Variants in STPG2 observed in about 807,000 individuals in gnomAD.
STPG2 encodes the protein sperm-tail PG-rich repeat-containing protein 2.
Under a neutral mutation model 54.2 loss-of-function variants are expected in STPG2, and 56 were observed. The observed-to-expected ratio is 1.03, with a 90% CI of 0.83 to 1.29. The LOEUF (loss-of-function observed/expected upper bound fraction) is 1.29. STPG2 is among the 50% of genes most tolerant of loss of function. The pLI, the probability that STPG2 is intolerant of heterozygous loss-of-function variation, is 0.00. For synonymous variants in STPG2, 200 were observed against 181.8 expected (o/e 1.10, Z -0.81); for missense variants, 596 against 544.9 (o/e 1.09, Z -0.93).
intron 3 of STPG2, 100 bp from the exon 4 acceptor site, chr4:98,109,405 T>C: frequency 1.2e-6 from 1 of 835,948 alleles, no homozygotes; most frequent in South Asian, 1.9e-5. Flanking sequence ...AAAGCAAGGA[T>C]AGCCTCAGTA....
At position 97,558,947 on chromosome 4, in the gene STPG2, T is replaced by A. The variant is rs1328783375; in HGVS notation, c.*111A>T. 14 of 888,274 alleles carry A rather than the reference T, an allele frequency of 1.6e-5. No homozygotes were observed. The highest frequency in any genetic ancestry group is 2.5e-5 in the Non-Finnish European group (14 of 554,090). 55.0% of individuals were successfully genotyped at this position (888,274 alleles called of 1,614,324 possible). On this transcript the variant is annotated 3_prime_UTR_variant, in exon 11 of 11. Transcript: ENST00000295268. The stretch of plus-strand genomic sequence containing the variant: ...AAGCCTGAGCGAATGCCTGAACAAG[T>A]GAAAATTATGCTTTTATTACTCCTA...
At chr4:97,853,768 C>G (rs536886131) in intron 8 of STPG2, among the ~76,000 whole-genome samples, 2 of 152,082 alleles carry the variant, frequency 1.3e-5, no homozygotes. Flanking sequence ...CAAAATGCTA[C>G]GGAAGTGATA....
At position 97,957,051 on chromosome 4, in the gene STPG2, A is replaced by G. The variant is rs143681223; in HGVS notation, c.934-13044T>C. Among the ~76,000 whole-genome samples, 7 of 146,622 alleles carry G rather than the reference A, an allele frequency of 4.8e-5. No homozygotes were observed. In the East Asian group the frequency reaches 1.4e-3, roughly 29 times the overall value. On this transcript the variant is annotated intron_variant, in intron 7 of 10. Transcript: ENST00000295268. Reference sequence around the variant, plus strand: ...TCAAAAAGGCGTCAGAGAAAGTCAGAGCCCAATTTAAGGAAATAAATATAT... The same window carrying G: ...TCAAAAAGGCGTCAGAGAAAGTCAGGGCCCAATTTAAGGAAATAAATATAT...
intron 9 of STPG2, among the ~76,000 whole-genome samples, chr4:97,772,698 ATTC>A (rs1726256292): frequency 6.6e-6 from 1 of 152,172 alleles, no homozygotes; most frequent in African/African-American, 2.4e-5. Context: ...CTATCTGGTA[ATTC>A]TTCTCAAAAT....
chr4:97,557,116 G>C (rs778701324), downstream of STPG2, among the ~76,000 whole-genome samples: 1 of 152,130 alleles, frequency 6.6e-6, no homozygotes, highest in Admixed American at 6.6e-5. Context: ...GGGAGGCGGA[G>C]GTTGCAGTGA....
At chr4:97,943,742 G>A (rs1255690370) in intron 8 of STPG2, among the ~76,000 whole-genome samples, 155 bp downstream of exon 8, 2 of 152,106 alleles carry the variant, frequency 1.3e-5, no homozygotes, top group Non-Finnish European at 2.9e-5. Flanking sequence ...GAAGAATTTT[G>A]TTGAACTTTA....
intron 8 of STPG2, among the ~76,000 whole-genome samples, chr4:97,898,034 TG>T (rs1053839182): frequency 1.3e-5 from 2 of 152,136 alleles, no homozygotes; most frequent in African/African-American, 4.8e-5. Flanking sequence ...TTTATAGTCT[TG>T]GGTTTTACAT....
Position 98,047,439 on chromosome 4 carries a change from G to A in STPG2, c.612+58514C>T, listed in dbSNP as rs1037341915. Reference sequence around the variant, plus strand: ...CCACAGGCAGCAGCTTGGAAATTGTGCAGGCAAATCCCTTCCAGGGAGAAA... The same window carrying A: ...CCACAGGCAGCAGCTTGGAAATTGTACAGGCAAATCCCTTCCAGGGAGAAA... On this transcript the variant is annotated intron_variant, in intron 5 of 10. Coordinates refer to ENST00000295268, the MANE Select transcript of STPG2 (RefSeq NM_174952.3). Among the ~76,000 whole-genome samples the A allele has an allele frequency of 1.4e-4, 22 of 152,150 alleles. 1 individual carries two copies. The highest frequency in any genetic ancestry group is 1.5e-5 in the Non-Finnish European group (1 of 68,018).
At chr4:98,017,776 A>C (rs1578784230) in intron 5 of STPG2, among the ~76,000 whole-genome samples, 1 of 152,132 alleles carries the variant, frequency 6.6e-6, no homozygotes, top group East Asian at 1.9e-4. Context: ...AGGAGACTGG[A>C]TCATGGTGGT....
chr4:98,096,196 A>G (rs1478764087), intron 5 of STPG2, among the ~76,000 whole-genome samples: 1 of 152,110 alleles, frequency 6.6e-6, no homozygotes, highest in Non-Finnish European at 1.5e-5. Context: ...GAAGTTTAAG[A>G]CCAGCCTGGG....
intron 9 of STPG2, among the ~76,000 whole-genome samples, chr4:97,776,940 G>A (rs747799801): frequency 1.6e-4 from 24 of 152,046 alleles, no homozygotes; most frequent in African/African-American, 4.6e-4. Flanking sequence ...GTTTCCTTCC[G>A]TTTACTAATT....
chr4:97,669,743 C>G lies in STPG2; in HGVS notation c.1320+42956G>C, dbSNP rs576085119. On this transcript the variant is annotated intron_variant, in intron 10 of 10. Transcript: ENST00000295268. ...CCCGGGAAGCGGAGCTTGCAGTGAG[C>G]CGAGATTGCGCCACTGCAGTCCGCA... Among the ~76,000 whole-genome samples the G allele has an allele frequency of 5.6e-3, 159 of 28,364 alleles. 48 individuals carry two copies. In the Middle Eastern group the frequency reaches 0.12, roughly 22 times the overall value. 18.6% of individuals were successfully genotyped at this position (28,364 alleles called of 152,430 possible).
chr4:97,783,929 G>A (rs1726737801), intron 9 of STPG2, among the ~76,000 whole-genome samples: 1 of 152,060 alleles, frequency 6.6e-6, no homozygotes, highest in East Asian at 1.9e-4. Context: ...GGGGTGGGGG[G>A]AGAGGGGAGG....
At chr4:97,908,018 G>A (rs879988989) in intron 8 of STPG2, among the ~76,000 whole-genome samples, 2 of 152,156 alleles carry the variant, frequency 1.3e-5, no homozygotes, top group Non-Finnish European at 2.9e-5. Flanking sequence ...ATTGACAAAT[G>A]GGATCTTATT....
chr4:98,027,500 T>G (rs1048537866), intron 5 of STPG2, among the ~76,000 whole-genome samples: 1 of 152,204 alleles, frequency 6.6e-6, no homozygotes, highest in Admixed American at 6.5e-5. Flanking sequence ...GATGAAATTC[T>G]GGATATGATC....
chr4:98,047,586 G>T (rs114657988), intron 5 of STPG2, among the ~76,000 whole-genome samples: 1 of 152,108 alleles, frequency 6.6e-6, no homozygotes, highest in South Asian at 2.1e-4. Context: ...AGACTCACAA[G>T]TGTAGAGGCC....
At chr4:97,671,671 A>G (rs1172355150) in intron 10 of STPG2, among the ~76,000 whole-genome samples, 4 of 152,170 alleles carry the variant, frequency 2.6e-5, no homozygotes, top group Non-Finnish European at 5.9e-5. Context: ...TGGCCTCTGG[A>G]GGAGTTGGGC....
At chr4:98,001,737 T>G (rs1735421171) in intron 5 of STPG2, among the ~76,000 whole-genome samples, 1 of 152,176 alleles carries the variant, frequency 6.6e-6, no homozygotes, top group South Asian at 2.1e-4. Context: ...GAGCAGCATT[T>G]AATCAGCCCC....
intron 8 of STPG2, among the ~76,000 whole-genome samples, chr4:97,869,353 C>G (rs1729901139): frequency 6.6e-6 from 1 of 151,484 alleles, no homozygotes; most frequent in South Asian, 2.1e-4. Context: ...TTACCTAGGT[C>G]AGAGCCTAGG....
Sources: gnomAD v4.1 joint callset for allele counts (sites outside exome capture counted in the v4.1 genomes callset) on GRCh38, gnomAD v4.1.1 for gene constraint, MANE v1.5 for transcripts, NCBI Gene and HGNC (gene_info 2026-07-23, HGNC 2026-07-21) for gene names.